Variants in LSAMP observed in about 807,000 individuals in gnomAD.
LSAMP encodes limbic system-associated membrane protein.
Under a neutral mutation model 38.6 loss-of-function variants are expected in LSAMP, and 7 were observed. The observed-to-expected ratio is 0.18, with a 90% CI of 0.10 to 0.34. The LOEUF (loss-of-function observed/expected upper bound fraction) is 0.34, where lower values mean the gene tolerates loss of function less well. LSAMP is among the 10% of genes least tolerant of loss of function. The pLI, the probability that LSAMP is intolerant of heterozygous loss-of-function variation, is 1.00. For missense variants in LSAMP, 313 were observed against 420.0 expected, an observed-to-expected ratio of 0.75 and a Z score of 2.23; for synonymous variants, 154 against 166.8, an observed-to-expected ratio of 0.92 and a Z score of 0.59.
chr3:116,104,294 CTG>C (rs1708413510), intron 1 of LSAMP, among the ~76,000 whole-genome samples: 1 of 152,050 alleles, frequency 6.6e-6, no homozygotes, highest in African/African-American at 2.4e-5. Flanking sequence ...ACAGTGTAGC[CTG>C]TTAGCCCCAA....
chr3:116,243,711 C>T (rs999748250), intron 1 of LSAMP, among the ~76,000 whole-genome samples: 9 of 152,038 alleles, frequency 5.9e-5, no homozygotes, highest in African/African-American at 2.2e-4. Flanking sequence ...GCAGCTATCA[C>T]CTTTATTTAT....
At chr3:115,831,810 A>G (rs1489624907) in intron 6 of LSAMP, among the ~76,000 whole-genome samples, 3 of 152,200 alleles carry the variant, frequency 2.0e-5, no homozygotes, top group Non-Finnish European at 4.4e-5. Context: ...CAAGGATAGA[A>G]CACTATTTTA....
At chr3:116,172,880 C>T (rs1050430797) in intron 1 of LSAMP, among the ~76,000 whole-genome samples, 1 of 151,884 alleles carries the variant, frequency 6.6e-6, no homozygotes, top group Non-Finnish European at 1.5e-5. Flanking sequence ...TTCCCCTCTT[C>T]ATGACAGGAA....
chr3:116,296,718 A>T (rs949607422), intron 1 of LSAMP, among the ~76,000 whole-genome samples: 1 of 151,098 alleles, frequency 6.6e-6, no homozygotes, highest in South Asian at 2.1e-4. Context: ...AAAAAAAAAA[A>T]AAAAAGAAAC....
chr3:116,008,604 A>G (rs1940234322), intron 3 of LSAMP, among the ~76,000 whole-genome samples: 1 of 152,208 alleles, frequency 6.6e-6, no homozygotes, highest in Non-Finnish European at 1.5e-5. Context: ...CTGATGTAGC[A>G]GGTACAGCAT....
intron 1 of LSAMP, among the ~76,000 whole-genome samples, chr3:116,383,229 G>A (rs192690603): frequency 6.4e-4 from 97 of 152,112 alleles, no homozygotes; most frequent in Non-Finnish European, 1.3e-4. Flanking sequence ...GTATTTTTTC[G>A]TATCTGAAAC....
At chr3:115,976,434 CA>C (rs1235150961) in intron 3 of LSAMP, among the ~76,000 whole-genome samples, 1 of 152,082 alleles carries the variant, frequency 6.6e-6, no homozygotes, top group African/African-American at 2.4e-5. Context: ...CAATCTGAAT[CA>C]AAAGAGGCTG....
chr3:116,295,726 G>T (rs79181634), intron 1 of LSAMP, among the ~76,000 whole-genome samples: 5,585 of 152,172 alleles, frequency 0.037, 131 homozygotes, highest in Middle Eastern at 0.068. Context: ...GAATTTAGAA[G>T]GGGAACAAAA....
At chr3:115,833,492 T>C (rs1280296768) in intron 6 of LSAMP, among the ~76,000 whole-genome samples, 1 of 151,956 alleles carries the variant, frequency 6.6e-6, no homozygotes, top group Non-Finnish European at 1.5e-5. Flanking sequence ...CTTGCAATCC[T>C]TAGTTCGAAA....
intron 3 of LSAMP, among the ~76,000 whole-genome samples, chr3:115,997,860 T>C (rs1939869255): frequency 1.4e-5 from 2 of 145,444 alleles, no homozygotes; most frequent in Admixed American, 6.9e-5. Flanking sequence ...GTATTTTATA[T>C]ATTAGAATAT....
intron 3 of LSAMP, among the ~76,000 whole-genome samples, chr3:115,895,465 C>T (rs1016862638): frequency 6.6e-6 from 1 of 152,034 alleles, no homozygotes; most frequent in African/African-American, 2.4e-5. Flanking sequence ...ACTAGAACTT[C>T]CTGAGTGTGG....
At chr3:116,157,179 A>T (rs568190070) in intron 1 of LSAMP, among the ~76,000 whole-genome samples, 1 of 152,196 alleles carries the variant, frequency 6.6e-6, no homozygotes, top group East Asian at 1.9e-4. Flanking sequence ...GTGCTAGATG[A>T]TCATTCTGTG....
At chr3:116,355,284 T>C (rs1282626001) in intron 1 of LSAMP, among the ~76,000 whole-genome samples, 2 of 152,146 alleles carry the variant, frequency 1.3e-5, no homozygotes, top group Non-Finnish European at 2.9e-5. Flanking sequence ...TGGGAATTAC[T>C]GTATAAAAAT....
At chr3:116,157,173 T>C (rs910499958) in intron 1 of LSAMP, among the ~76,000 whole-genome samples, 19 of 152,032 alleles carry the variant, frequency 1.2e-4, no homozygotes, top group African/African-American at 4.6e-4. Context: ...GACCCAGTGC[T>C]AGATGATCAT....
Position 115,808,145 on chromosome 3 carries a change from C to CCTCT in LSAMP, c.*2171_*2172insAGAG, listed in dbSNP as rs1559828933. 1.2e-5 allele frequency: 1 copy of CCTCT among 80,752 alleles called. No individual in the cohort carries two copies. The highest frequency in any genetic ancestry group is 5.2e-4 in the East Asian group (1 of 1,914). The allele number at this position is 80,752 out of a possible 1,614,324, so 5.0% of individuals were successfully genotyped here. A position where few individuals can be genotyped will look rare whatever the true frequency, so the allele number is the denominator to read the frequency against. The stretch of plus-strand genomic sequence containing the variant: ...CCCTCCCTCCCTCCCTCCCTCCCTC[C>CCTCT]CTCCCCCCCTTCCCCGTCCCCCCCT... On this transcript the variant is annotated 3_prime_UTR_variant, in exon 7 of 7. Transcript: ENST00000490035.
intron 1 of LSAMP, among the ~76,000 whole-genome samples, chr3:116,111,193 G>T (rs1471859557): frequency 1.3e-5 from 2 of 152,194 alleles, no homozygotes; most frequent in Admixed American, 6.5e-5. Context: ...AGTCACAGGG[G>T]ATGCGATGGC....
chr3:116,356,830 GT>G (rs2048229146), intron 1 of LSAMP, among the ~76,000 whole-genome samples: 1 of 152,016 alleles, frequency 6.6e-6, no homozygotes, highest in Admixed American at 6.5e-5. Context: ...GTCTCGCTCT[GT>G]GGCCCAGGCT....
chr3:116,260,745 G>C (rs924228323), intron 1 of LSAMP, among the ~76,000 whole-genome samples: 1 of 152,142 alleles, frequency 6.6e-6, no homozygotes, highest in African/African-American at 2.4e-5. Flanking sequence ...CTCAACCTAC[G>C]TGAGGCTTAG....
At chr3:115,985,329 G>A (rs926677881) in intron 3 of LSAMP, among the ~76,000 whole-genome samples, 3 of 152,184 alleles carry the variant, frequency 2.0e-5, no homozygotes, top group African/African-American at 7.2e-5. Context: ...GGCCAGTTAA[G>A]AACTAGATAC....
Sources: gnomAD v4.1 joint callset for allele counts (sites outside exome capture counted in the v4.1 genomes callset) on GRCh38, gnomAD v4.1.1 for gene constraint, MANE v1.5 for transcripts, NCBI Gene and HGNC (gene_info 2026-07-23, HGNC 2026-07-21) for gene names.